TRAPPC8: variants seen among roughly 807,000 people sequenced by gnomAD.
TRAPPC8 encodes the protein general sporulation gene 1 homolog.
In TRAPPC8, 54 loss-of-function variants were observed where a neutral mutation model predicts 174.3. That is an observed-to-expected ratio of 0.31 (90% CI 0.25 to 0.39). The LOEUF (loss-of-function observed/expected upper bound fraction) is 0.39. Among genes scored for constraint, TRAPPC8 ranks in the 10% least tolerant of loss-of-function variants. The pLI, the probability that TRAPPC8 is intolerant of heterozygous loss-of-function variation, is 1.00. For synonymous variants in TRAPPC8, 630 were observed against 579.9 expected (o/e 1.09, Z -1.24); for missense variants, 1,531 against 1,699.1 (o/e 0.90, Z 1.74).
intron 9 of TRAPPC8, among the ~76,000 whole-genome samples, chr18:31,902,164 A>G (rs2036456515): frequency 1.3e-5 from 2 of 152,140 alleles, no homozygotes; most frequent in Admixed American, 1.3e-4. Flanking sequence ...ATAATACAAA[A>G]ATTCCTGAAC....
In TRAPPC8 at chr18:31,830,531, T is replaced by G. The variant is rs890534915; in HGVS notation, c.*224A>C. 6 of 545,318 alleles carry G rather than the reference T, an allele frequency of 1.1e-5. No individual in the cohort carries two copies. The highest frequency in any genetic ancestry group is 2.0e-5 in the Non-Finnish European group (6 of 307,052). The allele number at this position is 545,318 out of a possible 1,614,324, so 33.8% of individuals were successfully genotyped here. On this transcript the variant is annotated 3_prime_UTR_variant, in exon 29 of 29. Coordinates refer to ENST00000283351, the MANE Select transcript of TRAPPC8 (RefSeq NM_014939.5). ...ACAAATATGCTGATATCCTGTATTA[T>G]GAGCATGTAAATTATTCTCAGGGTT...
At chr18:31,934,037 A>C (rs1017468806) in intron 1 of TRAPPC8, among the ~76,000 whole-genome samples, 4 of 152,016 alleles carry the variant, frequency 2.6e-5, no homozygotes, top group African/African-American at 9.7e-5. Context: ...AAAATACAAA[A>C]ATTAGCCAGG....
At position 31,942,717 on chromosome 18, in the gene TRAPPC8, G is replaced by C; in HGVS notation, c.48C>G (p.Phe16Leu). The C allele has an allele frequency of 6.2e-7, 1 of 1,606,550 alleles. No individual in the cohort carries two copies. Among genetic ancestry groups the C allele is most frequent in the Non-Finnish European group, 8.5e-7 (1 of 1,176,786 alleles). The change falls in exon 1 of 29, where the codon TTC (phenylalanine) becomes TTG (leucine). Residue 16 changes from phenylalanine to leucine, a missense_variant. Physicochemically the swap from Phe to Leu is conservative, Grantham distance 22. Coordinates refer to ENST00000283351, the MANE Select transcript of TRAPPC8 (RefSeq NM_014939.5). Reference sequence around the variant, plus strand: ...TGCACAGCGCAGCGACACAGGGGACGAAGGAGTCCGGGATTAGCTCCTGCA... The same window carrying C: ...TGCACAGCGCAGCGACACAGGGGACCAAGGAGTCCGGGATTAGCTCCTGCA... The part of the protein sequence containing the change: ...QSVQELIPDS[F>L]VPCVAALCSD...
chr18:31,829,609 G>A lies in TRAPPC8; in HGVS notation c.*1146C>T, dbSNP rs541715833. ...GGTTTGGAATCTTCAGTCTGAAAAC[G>A]GGGTCTTTTGATCTCTCCCCACTTT... On this transcript the variant is annotated 3_prime_UTR_variant, in exon 29 of 29. Transcript: ENST00000283351. 5.3e-5 allele frequency: 8 copies of A among 152,302 alleles called. No homozygotes were observed. Among genetic ancestry groups the A allele is most frequent in the East Asian group, 1.9e-4 (1 of 5,188 alleles). The allele number at this position is 152,302 out of a possible 1,614,324, so 9.4% of individuals were successfully genotyped here.
chr18:31,914,262 A>G (rs1247829371), intron 4 of TRAPPC8, among the ~76,000 whole-genome samples: 2 of 152,182 alleles, frequency 1.3e-5, no homozygotes, highest in Non-Finnish European at 2.9e-5. Context: ...GATATTACGC[A>G]CTAAAAAATT....
chr18:31,931,585 T>C (rs1348150066), intron 1 of TRAPPC8, 62 bp from the exon 2 acceptor site: 5 of 1,301,172 alleles, frequency 3.8e-6, no homozygotes, highest in Non-Finnish European at 5.1e-6. Flanking sequence ...TAACCCAAAA[T>C]TGGGCTGATG....
At chr18:31,922,120 AAAG>A (rs754704419) in intron 2 of TRAPPC8, among the ~76,000 whole-genome samples, 4 of 152,212 alleles carry the variant, frequency 2.6e-5, no homozygotes, top group Admixed American at 1.3e-4. Context: ...AGGGGAAAAA[AAAG>A]AAGGGACATG....
rs180842206 is a variant in TRAPPC8, at chr18:31,876,576, A to T, written c.1729-1872T>A. ...TCTCCTCAGAAAGATCAAAGTAACTAATTATCCAAACAGAAAACTGAGAAA... is the reference window on the plus strand; with the variant it reads ...TCTCCTCAGAAAGATCAAAGTAACTTATTATCCAAACAGAAAACTGAGAAA... On this transcript the variant is annotated intron_variant, in intron 12 of 28. Transcript: ENST00000283351. 5.8e-3 allele frequency among the ~76,000 whole-genome samples: 882 copies of T among 152,020 alleles called. 7 individuals carry two copies. Among genetic ancestry groups the T allele is most frequent in the Non-Finnish European group, 8.8e-3 (600 of 67,984 alleles).
intron 11 of TRAPPC8, among the ~76,000 whole-genome samples, chr18:31,893,402 T>TGTGTGC (rs1491520716): frequency 4.6e-4 from 64 of 138,346 alleles, no homozygotes; most frequent in African/African-American, 1.6e-3. Flanking sequence ...TGTGTGTGTG[T>TGTGTGC]GCGCGCGCGC....
At chr18:31,858,278 C>T (rs2034140443) in intron 19 of TRAPPC8, among the ~76,000 whole-genome samples, 1 of 152,088 alleles carries the variant, frequency 6.6e-6, no homozygotes, top group Non-Finnish European at 1.5e-5. Context: ...GATTATGGAC[C>T]AGAAAAGTTG....
intron 5 of TRAPPC8, among the ~76,000 whole-genome samples, chr18:31,910,529 A>G (rs1412321831): frequency 2.0e-5 from 3 of 152,194 alleles, no homozygotes; most frequent in Non-Finnish European, 4.4e-5. Flanking sequence ...TTAATGGAAA[A>G]CTAACATAGT....
chr18:31,909,117 T>C, intron 6 of TRAPPC8, 107 bp from the exon 7 acceptor site: 1 of 1,066,188 alleles, frequency 9.4e-7, no homozygotes, highest in South Asian at 2.1e-5. Context: ...TAAAATCCTT[T>C]ATCTTTCAGT....
At chr18:31,895,507 A>G (rs959883656) in intron 11 of TRAPPC8, among the ~76,000 whole-genome samples, 1 of 152,234 alleles carries the variant, frequency 6.6e-6, no homozygotes, top group African/African-American at 2.4e-5. Flanking sequence ...TTTGAGAAAG[A>G]AAAGTGGAAA....
At chr18:31,892,569 G>T (rs2036000289) in intron 11 of TRAPPC8, among the ~76,000 whole-genome samples, 1 of 152,032 alleles carries the variant, frequency 6.6e-6, no homozygotes, top group South Asian at 2.1e-4. Context: ...TCTGGAAGTA[G>T]AACTGTGGAG....
intron 20 of TRAPPC8, among the ~76,000 whole-genome samples, chr18:31,856,383 C>G (rs955375726): frequency 6.6e-6 from 1 of 152,046 alleles, no homozygotes; most frequent in Non-Finnish European, 1.5e-5. Flanking sequence ...TGATCTCCCC[C>G]CAAAAATCAA....
rs530374022 is a variant in TRAPPC8 at position 31,920,349 on chromosome 18, C to T, written c.353-2682G>A. ...GACATTGAAAGACTAGAAAACACAA[C>T]GCGCTCATCAGGAGAAAACTGATGA... On this transcript the variant is annotated intron_variant, in intron 2 of 28. Coordinates refer to ENST00000283351, the MANE Select transcript of TRAPPC8 (RefSeq NM_014939.5). Among the ~76,000 whole-genome samples, 7 of 152,260 alleles carry T rather than the reference C, an allele frequency of 4.6e-5. No homozygotes were observed. The East Asian group carries it at 1.2e-3, about 25-fold the overall frequency.
chr18:31,900,860 A>G, intron 10 of TRAPPC8, 65 bp downstream of exon 10: 3 of 1,188,882 alleles, frequency 2.5e-6, no homozygotes, highest in South Asian at 3.1e-5. Context: ...GAATGGGGAA[A>G]AAAAAAAAAA....
At chr18:31,942,017 C>T (rs758048158) in intron 1 of TRAPPC8, among the ~76,000 whole-genome samples, 1 of 152,154 alleles carries the variant, frequency 6.6e-6, no homozygotes, top group Non-Finnish European at 1.5e-5. Flanking sequence ...GGGCAAAAAG[C>T]TGCTTCAAGT....
Position 31,830,985 on chromosome 18 carries a change from C to T in TRAPPC8, c.4078G>A (p.Glu1360Lys), listed in dbSNP as rs1487836206. ...AATGATCCATGGATTTCCAGTGCTT[C>T]TGGACTAAGGGAGGAGGAAAATGTA... ...VDLRHKTTSP[E>K]ALEIHGSFTW... The change falls in exon 29 of 29, where the codon GAA (glutamate) becomes AAA (lysine). Residue 1360 changes from glutamate (E) to lysine (K), a missense_variant. Coordinates refer to ENST00000283351, the MANE Select transcript of TRAPPC8 (RefSeq NM_014939.5). The T allele has an allele frequency of 6.2e-7, 1 of 1,608,014 alleles. No individual in the cohort carries two copies. The highest frequency in any genetic ancestry group is 8.5e-7 in the Non-Finnish European group (1 of 1,176,066).
Sources: gnomAD v4.1 joint callset for allele counts (sites outside exome capture counted in the v4.1 genomes callset) on GRCh38, gnomAD v4.1.1 for gene constraint, MANE v1.5 for transcripts, NCBI Gene and HGNC (gene_info 2026-07-23, HGNC 2026-07-21) for gene names.